The following SEPTIN8 variants were observed in gnomAD, a reference collection of about 807,000 sequenced individuals.
SEPTIN8 encodes septin 8.
SEPTIN8 carries 22 observed loss-of-function variants against 53.1 expected under a neutral mutation model. The observed-to-expected ratio is 0.41, with a 90% CI of 0.30 to 0.59. SEPTIN8 has a LOEUF of 0.59. SEPTIN8 is among the 20% of genes least tolerant of loss of function. The pLI is 0.24. For synonymous variants in SEPTIN8, 228 were observed against 248.4 expected (o/e 0.92, Z 0.77); for missense variants, 536 against 638.7 (o/e 0.84, Z 1.73).
At position 132,764,374 on chromosome 5, in the gene SEPTIN8, T is replaced by C; in HGVS notation, c.197A>G (p.Asn66Ser). Residue 66 changes from asparagine to serine, a missense_variant, in exon 3 of 10, where the codon AAC becomes AGC. Physicochemically the swap from Asn to Ser is conservative, Grantham distance 46. Coordinates refer to ENST00000378719, the MANE Select transcript of SEPTIN8 (RefSeq NM_001098811.2). The part of the protein sequence containing the change: ...GKSTLMNTLF[N>S]TTFETEEASH... ...GGCTTCCTCAGTCTCGAAGGTCGTG[T>C]TGAAGAGTGTGTTCATCAGTGTGGA... The C allele has an allele frequency of 1.2e-6, 2 of 1,614,140 alleles. No homozygotes were observed. Among genetic ancestry groups the C allele is most frequent in the South Asian group, 2.2e-5 (2 of 91,072 alleles).
chr5:132,772,542 G>T (rs749274606), intron 1 of SEPTIN8, among the ~76,000 whole-genome samples: 17 of 152,186 alleles, frequency 1.1e-4, no homozygotes, highest in Non-Finnish European at 2.2e-4. Context: ...AGCCACGAGT[G>T]GTCTGGGTAT....
In SEPTIN8 at chr5:132,765,455, G is replaced by T; in HGVS notation, c.105C>A (p.Val35=). ...TGAAGCCCTGAGTGACCGACTTGCT[G>T]ACCAGCTGGTCGGGGAGGCTGTCGA... The part of the protein sequence containing the change: ...VGFDSLPDQL[V]SKSVTQGFSF... Residue 35 remains valine, a synonymous_variant, in exon 2 of 10, where the codon GTC becomes GTA. Transcript: ENST00000378719. 1 of 1,613,646 alleles carries T rather than the reference G, an allele frequency of 6.2e-7. No individual in the cohort carries two copies. The highest frequency in any genetic ancestry group is 1.1e-5 in the South Asian group (1 of 91,060).
Position 132,773,720 on chromosome 5 carries a change from C to T in SEPTIN8, c.30+3388G>A, listed in dbSNP as rs1166053102. 6.6e-6 allele frequency among the ~76,000 whole-genome samples: 1 copy of T among 152,330 alleles called. No individual in the cohort carries two copies. The highest frequency in any genetic ancestry group is 2.1e-4 in the South Asian group (1 of 4,826). On this transcript the variant is annotated intron_variant, in intron 1 of 9. Transcript: ENST00000378719. The surrounding 1 kb of genome is among the most constrained non-coding windows in gnomAD (Gnocchi z 4.2). ...TCCATCCAGTCTCCCTCCTCCTTGG[C>T]CCTGAGCTTGGTCTCCTCCTTGCCA...
intron 9 of SEPTIN8, chr5:132,758,599 T>C (rs1286215157): frequency 1.3e-5 from 21 of 1,606,246 alleles, no homozygotes; most frequent in Non-Finnish European, 1.8e-5. Context: ...CCAGCATTCA[T>C]GGCTTTTACG....
intron 9 of SEPTIN8, among the ~76,000 whole-genome samples, chr5:132,755,013 G>A (rs1200241926): frequency 6.6e-6 from 1 of 152,136 alleles, no homozygotes; most frequent in African/African-American, 2.4e-5. Flanking sequence ...AATGAGCCAA[G>A]TCATTTGATG....
rs1288043776 is a variant in SEPTIN8 at position 132,752,638 on chromosome 5, GTCAGAATCCC to G, written c.1287-467_1287-458del. On this transcript the variant is annotated intron_variant, in intron 9 of 9. Transcript: ENST00000378719. ...GGGGGCACAAGGAGGAGAGGGGTGT[GTCAGAATCCC>G]TCAGAACAGATAGGTTAGGATGGAA... Among the ~76,000 whole-genome samples, 8 of 152,292 alleles carry G rather than the reference GTCAGAATCCC, an allele frequency of 5.3e-5. No homozygotes were observed. The South Asian group carries it at 6.2e-4, about 12-fold the overall frequency.
At position 132,751,945 on chromosome 5, in the gene SEPTIN8, A is replaced by G; in HGVS notation, c.*71T>C. The G allele has an allele frequency of 6.9e-6, 11 of 1,591,610 alleles. No individual in the cohort carries two copies. The highest frequency in any genetic ancestry group is 9.4e-6 in the Non-Finnish European group (11 of 1,168,228). On this transcript the variant is annotated 3_prime_UTR_variant, in exon 10 of 10. Coordinates refer to ENST00000378719, the MANE Select transcript of SEPTIN8 (RefSeq NM_001098811.2). ...AAAGTATGGCGTTTTCTGTTCTAAC[A>G]TTAAAAACCATGGTCTCCAGTTCCA...
At chr5:132,778,007 G>A, upstream of SEPTIN8, 1 of 985,516 alleles carries the variant, frequency 1.0e-6, no homozygotes, top group Non-Finnish European at 1.2e-6. Context: ...ATTGTGCAAA[G>A]AGGATGACCA....
intron 1 of SEPTIN8, among the ~76,000 whole-genome samples, chr5:132,771,943 T>C (rs1406286089): frequency 1.3e-5 from 2 of 152,150 alleles, no homozygotes; most frequent in African/African-American, 4.8e-5. Flanking sequence ...AGGATATACC[T>C]GTCCCAAATC....
rs780182209 is a variant in SEPTIN8, at chr5:132,751,732, C to T, written c.*284G>A. On this transcript the variant is annotated 3_prime_UTR_variant, in exon 10 of 10. Coordinates refer to ENST00000378719, the MANE Select transcript of SEPTIN8 (RefSeq NM_001098811.2). Reference sequence around the variant, plus strand: ...TCATCTAGGTACTTTCCGCTCATAACGATGATGTCACAAAGCAGACTTTTT... The same window carrying T: ...TCATCTAGGTACTTTCCGCTCATAATGATGATGTCACAAAGCAGACTTTTT... 67 of 585,254 alleles carry T rather than the reference C, an allele frequency of 1.1e-4. No individual in the cohort carries two copies. The highest frequency in any genetic ancestry group is 1.5e-4 in the Non-Finnish European group (51 of 333,158). 36.3% of individuals were successfully genotyped at this position (585,254 alleles called of 1,614,324 possible).
chr5:132,756,712 TC>T, intron 9 of SEPTIN8: 1 of 985,450 alleles, frequency 1.0e-6, no homozygotes, highest in Non-Finnish European at 1.2e-6. Flanking sequence ...CACAAGTCTG[TC>T]AAGTGTCCTG....
At chr5:132,778,899 T>A (rs757290872), upstream of SEPTIN8, among the ~76,000 whole-genome samples, 6 of 152,200 alleles carry the variant, frequency 3.9e-5, no homozygotes, top group Non-Finnish European at 8.8e-5. Flanking sequence ...TCTTTCCCTA[T>A]AACTAACAAG....
chr5:132,766,461 T>TC (rs761494042), intron 1 of SEPTIN8, among the ~76,000 whole-genome samples: 3 of 152,162 alleles, frequency 2.0e-5, no homozygotes, highest in Non-Finnish European at 2.9e-5. Context: ...ATGGTCACAC[T>TC]CCAACTTGTG....
In SEPTIN8 at chr5:132,754,312, C is replaced by G. The variant is rs1403189249; in HGVS notation, c.1287-2131G>C. On this transcript the variant is annotated intron_variant, in intron 9 of 9. Coordinates refer to ENST00000378719, the MANE Select transcript of SEPTIN8 (RefSeq NM_001098811.2). ...ATGGAGATGCTGAGGCCATGCTGCT[C>G]ACAGCTTCCAGTGGTGGCCGTTGAG... 3 of 687,308 alleles carry G rather than the reference C, an allele frequency of 4.4e-6. No individual in the cohort carries two copies. In the Admixed American group the frequency reaches 6.3e-5, roughly 14 times the overall value. 42.6% of individuals were successfully genotyped at this position (687,308 alleles called of 1,614,324 possible).
intron 9 of SEPTIN8, 71 bp from the exon 10 acceptor site, chr5:132,752,252 C>T (rs982438073): frequency 2.0e-6 from 3 of 1,512,096 alleles, no homozygotes; most frequent in Non-Finnish European, 2.7e-6. Flanking sequence ...TTAGCTGACA[C>T]ACTCTGACCC....
In SEPTIN8 at chr5:132,761,606, C is replaced by G. The variant is rs1755964027; in HGVS notation, c.814G>C (p.Asp272His). 2 of 1,613,912 alleles carry G rather than the reference C, an allele frequency of 1.2e-6. No individual in the cohort carries two copies. Residue 272 changes from aspartate to histidine, a missense_variant, in exon 7 of 10, where the codon GAC (aspartate) becomes CAC (histidine). Coordinates refer to ENST00000378719, the MANE Select transcript of SEPTIN8 (RefSeq NM_001098811.2). This position sits in a 1 kb window ranked among gnomAD's most constrained non-coding sequence, Gnocchi z 5.8. ...AACATCTCCCGCAGCTTCACGAAGT[C>G]GCAGTGATTCTCATTCTCCACTGAA... is the stretch of plus-strand genomic sequence containing the variant. ...VVQVENENHC[D>H]FVKLREMLIR...
At chr5:132,755,004 A>C (rs1435394881) in intron 9 of SEPTIN8, among the ~76,000 whole-genome samples, 1 of 152,124 alleles carries the variant, frequency 6.6e-6, no homozygotes, top group African/African-American at 2.4e-5. Context: ...CCTGAAATGA[A>C]TGAGCCAAGT....
chr5:132,775,845 C>T (rs1386981204), intron 1 of SEPTIN8: 1 of 152,164 alleles, frequency 6.6e-6, no homozygotes, highest in East Asian at 1.9e-4. Context: ...CTCTGAGTAG[C>T]CCAGCCTCTG....
In SEPTIN8 at chr5:132,773,560, C is replaced by T. The variant is rs1416045892; in HGVS notation, c.30+3548G>A. 6.6e-6 allele frequency among the ~76,000 whole-genome samples: 1 copy of T among 152,210 alleles called. No individual in the cohort carries two copies. The highest frequency in any genetic ancestry group is 2.4e-5 in the African/African-American group (1 of 41,448). On this transcript the variant is annotated intron_variant, in intron 1 of 9. Coordinates refer to ENST00000378719, the MANE Select transcript of SEPTIN8 (RefSeq NM_001098811.2). The surrounding 1 kb of genome is among the most constrained non-coding windows in gnomAD (Gnocchi z 4.2). ...TTGGATCTTGTTCCCCCTACCTTTGCTAGCCAATGACCAAAGTCTGCATCC... is the reference window on the plus strand; with the variant it reads ...TTGGATCTTGTTCCCCCTACCTTTGTTAGCCAATGACCAAAGTCTGCATCC...
Sources: allele counts gnomAD v4.1 joint callset (sites outside exome capture counted in the v4.1 genomes callset), GRCh38; gene constraint gnomAD v4.1.1; non-coding constraint Gnocchi (gnomAD v3.1); transcripts MANE v1.5; gene names NCBI Gene and HGNC (gene_info 2026-07-23, HGNC 2026-07-21).